Variants in RNF182 observed in about 807,000 individuals in gnomAD.
RNF182 encodes ring finger protein 182.
A neutral mutation model predicts 14.4 loss-of-function variants in RNF182; 15 were observed. The observed-to-expected ratio is 1.04, with a 90% confidence interval of 0.70 to 1.60. The LOEUF (loss-of-function observed/expected upper bound fraction) is 1.60, where lower values mean the gene tolerates loss of function less well. RNF182 is among the 40% of genes most tolerant of loss of function. RNF182 has a pLI of 0.00. For missense variants in RNF182, 268 were observed against 294.8 expected (o/e 0.91, Z 0.67); for synonymous variants, 128 against 122.9 (o/e 1.04, Z -0.27).
At chr6:13,954,907 C>T (rs182957679) in intron 1 of RNF182, among the ~76,000 whole-genome samples, 5 of 152,280 alleles carry the variant, frequency 3.3e-5, no homozygotes, top group South Asian at 2.1e-4. Context: ...AGGGGCTCTA[C>T]GCTTCCTGCT....
intron 1 of RNF182, among the ~76,000 whole-genome samples, chr6:13,954,480 A>G (rs1238101368): frequency 2.0e-5 from 3 of 152,366 alleles, no homozygotes; most frequent in East Asian, 1.9e-4. Context: ...ACATGCTGCC[A>G]GGACAGCTTT....
chr6:13,938,087 G>A (rs553802953), intron 1 of RNF182, among the ~76,000 whole-genome samples: 6 of 124,346 alleles, frequency 4.8e-5, no homozygotes, highest in South Asian at 5.6e-4. Context: ...TGCAAACTCC[G>A]CCTACCGGGT....
At chr6:13,976,841 A>C (rs1417942379) in intron 2 of RNF182, 68 bp from the exon 3 acceptor site, 1 of 373,416 alleles carries the variant, frequency 2.7e-6, no homozygotes, top group Non-Finnish European at 4.8e-6. Flanking sequence ...AAATTCCATA[A>C]AGCACTTTTC....
Position 13,977,806 on chromosome 6 carries a change from T to A in RNF182, c.687T>A (p.Tyr229Ter). ...CGAGCCTCGTTATTCTTATGGTGTATGGTTTTTGCCAGTGTGTTTGTCATG... is the reference window on the plus strand; with the variant it reads ...CGAGCCTCGTTATTCTTATGGTGTAAGGTTTTTGCCAGTGTGTTTGTCATG... ...VPSSLVILMV[Y>*]GFCQCVCHEF... The change falls in exon 3 of 3, where the codon TAT becomes TAA. Residue 229 changes from tyrosine (Y) to a stop codon, truncating the protein, a stop_gained. Transcript: ENST00000488300. LOFTEE classifies it high-confidence loss of function. 1 of 1,614,194 alleles carries A rather than the reference T, an allele frequency of 6.2e-7. No individual in the cohort carries two copies. Among genetic ancestry groups the A allele is most frequent in the Non-Finnish European group, 8.5e-7 (1 of 1,180,014 alleles).
intron 1 of RNF182, among the ~76,000 whole-genome samples, chr6:13,965,659 A>T (rs1422102289): frequency 2.0e-5 from 3 of 152,228 alleles, no homozygotes; most frequent in South Asian, 2.1e-4. Flanking sequence ...TAGAAATAGT[A>T]ATTTCTGCAG....
chr6:13,936,777 A>G (rs1040605566), intron 1 of RNF182, among the ~76,000 whole-genome samples: 3 of 152,202 alleles, frequency 2.0e-5, no homozygotes, highest in Admixed American at 6.5e-5. Context: ...TCTATACTGG[A>G]TGAAGGATGT....
chr6:13,967,237 T>C (rs1271157918), intron 1 of RNF182, among the ~76,000 whole-genome samples: 5 of 152,082 alleles, frequency 3.3e-5, no homozygotes, highest in Non-Finnish European at 4.4e-5. Context: ...ACAAGTAATA[T>C]AAGCTTTAGA....
intron 1 of RNF182, among the ~76,000 whole-genome samples, chr6:13,950,662 AATTTTTGT>A (rs1363802336): frequency 6.6e-6 from 1 of 151,858 alleles, no homozygotes; most frequent in Non-Finnish European, 1.5e-5. Flanking sequence ...ACACATGGCT[AATTTTTGT>A]ATTTTTAGTA....
chr6:13,941,186 G>T (rs1759290373), intron 1 of RNF182, among the ~76,000 whole-genome samples: 1 of 152,046 alleles, frequency 6.6e-6, no homozygotes. Context: ...CTGAGATGAT[G>T]AATTTTTCTA....
chr6:13,963,501 T>A (rs1003223114), intron 1 of RNF182, among the ~76,000 whole-genome samples: 4 of 152,222 alleles, frequency 2.6e-5, no homozygotes, highest in African/African-American at 9.6e-5. Context: ...ATTCTTCAGC[T>A]GTTCTTTCAT....
intron 1 of RNF182, among the ~76,000 whole-genome samples, chr6:13,931,553 G>A (rs1585028832): frequency 6.6e-6 from 1 of 151,868 alleles, no homozygotes; most frequent in Non-Finnish European, 1.5e-5. Flanking sequence ...GATAACTCCT[G>A]GGGGGGAAAA....
chr6:13,934,279 T>C (rs577635917), intron 1 of RNF182, among the ~76,000 whole-genome samples: 8 of 152,302 alleles, frequency 5.3e-5, no homozygotes, highest in East Asian at 3.9e-4. Context: ...CTTATTGTTA[T>C]GGAGTCTCCT....
At chr6:13,966,764 A>AC (rs536883694) in intron 1 of RNF182, among the ~76,000 whole-genome samples, 1,695 of 49,244 alleles carry the variant, frequency 0.034, 44 homozygotes, top group African/African-American at 0.11. Context: ...ACCTGTCCCC[A>AC]CCCCCCCACC....
intron 1 of RNF182, among the ~76,000 whole-genome samples, chr6:13,971,063 G>T (rs1451544687): frequency 6.6e-6 from 1 of 152,032 alleles, no homozygotes; most frequent in Admixed American, 6.6e-5. Flanking sequence ...CCACTCCATA[G>T]CCTGCACTAA....
At chr6:13,933,220 T>C (rs149761233) in intron 1 of RNF182, among the ~76,000 whole-genome samples, 61 of 152,276 alleles carry the variant, frequency 4.0e-4, no homozygotes, top group African/African-American at 1.3e-3. Context: ...TATGTACTTT[T>C]AAGTTATGGG....
intron 1 of RNF182, among the ~76,000 whole-genome samples, chr6:13,953,594 G>A (rs1759652095): frequency 6.6e-6 from 1 of 152,176 alleles, no homozygotes; most frequent in African/African-American, 2.4e-5. Flanking sequence ...TTATAAAGTG[G>A]CGTAAGTCAG....
intron 1 of RNF182, among the ~76,000 whole-genome samples, chr6:13,937,427 T>G (rs976426083): frequency 1.3e-5 from 2 of 152,242 alleles, no homozygotes; most frequent in Non-Finnish European, 2.9e-5. Flanking sequence ...GTGTGTACTT[T>G]ATGTGTGTGT....
intron 1 of RNF182, among the ~76,000 whole-genome samples, chr6:13,935,152 A>G (rs1295565640): frequency 6.6e-6 from 1 of 152,220 alleles, no homozygotes; most frequent in Non-Finnish European, 1.5e-5. Flanking sequence ...CAAGGGGGCA[A>G]GATTGGTAGC....
chr6:13,970,829 G>A (rs368410616), intron 1 of RNF182, among the ~76,000 whole-genome samples: 7 of 152,112 alleles, frequency 4.6e-5, no homozygotes, highest in African/African-American at 9.7e-5. Flanking sequence ...TCCAAAATAC[G>A]CGTTGGCAGA....
Sources: gnomAD v4.1 joint callset for allele counts (sites outside exome capture counted in the v4.1 genomes callset) on GRCh38, gnomAD v4.1.1 for gene constraint, MANE v1.5 for transcripts, NCBI Gene and HGNC (gene_info 2026-07-23, HGNC 2026-07-21) for gene names.